The following TMEM116 variants were observed in gnomAD, a reference collection of about 807,000 sequenced individuals.
TMEM116 encodes the protein transmembrane protein 116.
In TMEM116, 38 loss-of-function variants were observed where a neutral mutation model predicts 44.3. The observed-to-expected ratio is 0.86, with a 90% CI of 0.66 to 1.12. The LOEUF (loss-of-function observed/expected upper bound fraction) is 1.12. Among genes scored for constraint, TMEM116 ranks in the 50% most tolerant of loss-of-function variants. The probability of loss-of-function intolerance (pLI) is 0.00; values close to 1 mark genes in which losing one functional copy is unlikely to be tolerated. For missense variants in TMEM116, 354 were observed against 401.7 expected (o/e 0.88, Z 1.01); for synonymous variants, 132 against 144.8 (o/e 0.91, Z 0.64).
At chr12:112,005,004 C>T (rs147165004) in intron 2 of TMEM116, among the ~76,000 whole-genome samples, 1 of 152,286 alleles carries the variant, frequency 6.6e-6, no homozygotes, top group Non-Finnish European at 1.5e-5. Context: ...AAGCACTTTG[C>T]TATTGATTTT....
intron 4 of TMEM116, among the ~76,000 whole-genome samples, chr12:111,968,520 T>C (rs955830201): frequency 5.3e-4 from 81 of 152,142 alleles, no homozygotes; most frequent in African/African-American, 1.9e-3. Flanking sequence ...CAGTAGAAGA[T>C]TACCAGTCAT....
chr12:111,999,206 T>C (rs75302586), intron 3 of TMEM116, among the ~76,000 whole-genome samples: 2,882 of 151,414 alleles, frequency 0.019, 45 homozygotes, highest in Non-Finnish European at 0.028. Context: ...AACCCACATA[T>C]ATATACATTT....
At chr12:111,991,631 A>G (rs2076606550) in intron 4 of TMEM116, 127 bp downstream of exon 4, 6 of 921,780 alleles carry the variant, frequency 6.5e-6, no homozygotes, top group Non-Finnish European at 9.0e-6. Context: ...AAAAGATAAA[A>G]GCTATTGTTT....
At chr12:111,941,300 A>G (rs2072795685) in intron 5 of TMEM116, among the ~76,000 whole-genome samples, 1 of 151,534 alleles carries the variant, frequency 6.6e-6, no homozygotes, top group Non-Finnish European at 1.5e-5. Flanking sequence ...CGCTTGAACC[A>G]GGGAGTCGGA....
intron 5 of TMEM116, among the ~76,000 whole-genome samples, chr12:111,941,282 A>G (rs2072793660): frequency 6.6e-6 from 1 of 152,024 alleles, no homozygotes; most frequent in Admixed American, 6.6e-5. Flanking sequence ...GGGCTGAGAC[A>G]GAAGAATCGC....
chr12:111,983,192 C>T (rs1241525421), intron 4 of TMEM116, among the ~76,000 whole-genome samples: 1 of 151,890 alleles, frequency 6.6e-6, no homozygotes, highest in African/African-American at 2.4e-5. Context: ...AATCCCAGCA[C>T]TGAGAGGCTA....
chr12:111,977,571 G>T (rs973386315), intron 4 of TMEM116, among the ~76,000 whole-genome samples: 1 of 151,946 alleles, frequency 6.6e-6, no homozygotes, highest in Non-Finnish European at 1.5e-5. Context: ...AAGTTCTTCA[G>T]AAAGAATGAA....
intron 4 of TMEM116, among the ~76,000 whole-genome samples, chr12:111,952,686 T>C (rs1593353916): frequency 6.6e-6 from 1 of 152,188 alleles, no homozygotes; most frequent in Non-Finnish European, 1.5e-5. Context: ...AAGACTAGCC[T>C]GGCTTAGCCT....
At chr12:111,947,177 T>TC (rs2073353803) in intron 4 of TMEM116, among the ~76,000 whole-genome samples, 1 of 151,898 alleles carries the variant, frequency 6.6e-6, no homozygotes, top group South Asian at 2.1e-4. Flanking sequence ...AAAGACTTTT[T>TC]TTTTTTTTTT....
intron 4 of TMEM116, among the ~76,000 whole-genome samples, chr12:111,964,776 C>T (rs1226461826): frequency 6.6e-6 from 1 of 152,178 alleles, no homozygotes; most frequent in Non-Finnish European, 1.5e-5. Context: ...TAGCCGCGAC[C>T]TCCTAGGTGC....
At chr12:111,968,514 A>G (rs2075114168) in intron 4 of TMEM116, among the ~76,000 whole-genome samples, 1 of 152,232 alleles carries the variant, frequency 6.6e-6, no homozygotes, top group South Asian at 2.1e-4. Context: ...GGCATTCAGT[A>G]GAAGATTACC....
intron 4 of TMEM116, among the ~76,000 whole-genome samples, chr12:111,959,147 C>T (rs1027728889): frequency 1.3e-5 from 2 of 152,214 alleles, no homozygotes; most frequent in African/African-American, 4.8e-5. Flanking sequence ...AACAGTAGAT[C>T]TCTCTGCAGA....
intron 4 of TMEM116, among the ~76,000 whole-genome samples, chr12:111,965,056 T>C (rs1228897432): frequency 6.6e-6 from 1 of 152,174 alleles, no homozygotes; most frequent in Non-Finnish European, 1.5e-5. Flanking sequence ...GAAATCTAGA[T>C]TCAGAAACCT....
chr12:112,003,935 G>T, intron 2 of TMEM116, 72 bp from the exon 3 acceptor site: 2 of 1,405,602 alleles, frequency 1.4e-6, no homozygotes, highest in Non-Finnish European at 1.8e-6. Flanking sequence ...TATTAATTTT[G>T]GGTTTTTTTT....
At chr12:111,931,860 C>A (rs186082744) in intron 10 of TMEM116, 33 bp from the exon 11 acceptor site, 1 of 1,449,592 alleles carries the variant, frequency 6.9e-7, no homozygotes, top group African/African-American at 1.4e-5. Context: ...GCAGCCCATG[C>A]TTCAGGTTTT....
intron 1 of TMEM116, among the ~76,000 whole-genome samples, chr12:112,007,782 G>C (rs1398021519): frequency 6.6e-6 from 1 of 152,160 alleles, no homozygotes; most frequent in Non-Finnish European, 1.5e-5. Flanking sequence ...GCTCTTGCTA[G>C]GATAATCAAT....
At chr12:111,970,834 C>T (rs944698139) in intron 4 of TMEM116, among the ~76,000 whole-genome samples, 6 of 152,056 alleles carry the variant, frequency 3.9e-5, no homozygotes, top group East Asian at 1.9e-4. Context: ...GTGATCCGCC[C>T]GCCCACCTTG....
At chr12:111,937,830 T>C (rs2072284792) in intron 6 of TMEM116, among the ~76,000 whole-genome samples, 2 of 152,206 alleles carry the variant, frequency 1.3e-5, no homozygotes, top group South Asian at 2.1e-4. Context: ...TGTTATAAAG[T>C]AGATGATATC....
intron 4 of TMEM116, among the ~76,000 whole-genome samples, chr12:111,989,210 C>T (rs1002432099): frequency 2.0e-5 from 3 of 152,080 alleles, no homozygotes; most frequent in East Asian, 1.9e-4. Context: ...AAACTTTTTC[C>T]TCTCTTTTCT....
Sources: gnomAD v4.1 joint callset for allele counts (sites outside exome capture counted in the v4.1 genomes callset) on GRCh38, gnomAD v4.1.1 for gene constraint, MANE v1.5 for transcripts, NCBI Gene and HGNC (gene_info 2026-07-23, HGNC 2026-07-21) for gene names.